LEF1: variants seen among roughly 807,000 people sequenced by gnomAD.
LEF1 encodes the protein lymphoid enhancer binding factor 1, also known as lymphoid enhancer-binding factor 1.
LEF1 carries 14 observed loss-of-function variants against 51.2 expected under a neutral mutation model. That is an observed-to-expected ratio of 0.27 (90% CI 0.18 to 0.43). LEF1 has a LOEUF of 0.43. Among genes scored for constraint, LEF1 ranks in the 20% least tolerant of loss-of-function variants. The pLI is 1.00. For synonymous variants in LEF1, 185 were observed against 183.2 expected, an observed-to-expected ratio of 1.01 and a Z score of -0.08; for missense variants, 386 against 512.0, an observed-to-expected ratio of 0.75 and a Z score of 2.37.
intron 3 of LEF1, among the ~76,000 whole-genome samples, chr4:108,118,882 G>C (rs187697226): frequency 6.6e-6 from 1 of 151,398 alleles, no homozygotes; most frequent in Non-Finnish European, 1.5e-5. Context: ...TTGTTGTTAC[G>C]GTCTAATCTA....
intron 3 of LEF1, among the ~76,000 whole-genome samples, chr4:108,119,993 A>ATGTGTG (rs34987010): frequency 2.7e-5 from 4 of 149,596 alleles, no homozygotes; most frequent in African/African-American, 7.4e-5. Flanking sequence ...TATTTTATAT[A>ATGTGTG]TGTGTGTGTG....
chr4:108,099,570 G>GTGTGTGTATATA (rs1266681210), intron 3 of LEF1, among the ~76,000 whole-genome samples: 1 of 70,202 alleles, frequency 1.4e-5, no homozygotes, highest in South Asian at 6.0e-4. Context: ...GTGTGTGTGT[G>GTGTGTGTATATA]TATATATATA....
chr4:108,087,745 C>T (rs187070361), intron 4 of LEF1, among the ~76,000 whole-genome samples: 106 of 152,274 alleles, frequency 7.0e-4, no homozygotes, highest in African/African-American at 2.5e-3. Flanking sequence ...ACCTCCTGCT[C>T]GGATGCTGGT....
intron 3 of LEF1, among the ~76,000 whole-genome samples, chr4:108,138,688 T>G (rs546948446): frequency 1.3e-4 from 20 of 152,394 alleles, no homozygotes; most frequent in Admixed American, 7.8e-4. Context: ...CTGGAGATTA[T>G]GGGGGCTAGC....
chr4:108,118,408 T>G (rs1741967704), intron 3 of LEF1, among the ~76,000 whole-genome samples: 1 of 152,204 alleles, frequency 6.6e-6, no homozygotes, highest in African/African-American at 2.4e-5. Context: ...TGATTTTGAG[T>G]GCGAAACTTA....
chr4:108,087,422 T>A (rs1487401674), intron 4 of LEF1, among the ~76,000 whole-genome samples: 2 of 151,864 alleles, frequency 1.3e-5, no homozygotes, highest in Non-Finnish European at 2.9e-5. Flanking sequence ...TTTTGGAGAG[T>A]TTTTTTTTAA....
intron 8 of LEF1, among the ~76,000 whole-genome samples, chr4:108,073,637 A>C (rs1327624692): frequency 6.6e-6 from 1 of 152,158 alleles, no homozygotes; most frequent in African/African-American, 2.4e-5. Context: ...ATAAATACAA[A>C]TTAACTCCCA....
At chr4:108,072,998 T>G (rs1738591221) in intron 8 of LEF1, 2 of 151,958 alleles carry the variant, frequency 1.3e-5, no homozygotes, top group South Asian at 4.2e-4. Context: ...AGCCTCGAAC[T>G]CCTGGGCTCC....
In LEF1 at chr4:108,163,721, A is replaced by T. The variant is rs754763575; in HGVS notation, c.281-20T>A. The T allele has an allele frequency of 1.2e-6, 2 of 1,611,350 alleles. No homozygotes were observed. The highest frequency in any genetic ancestry group is 4.5e-5 in the East Asian group (2 of 44,828). ...GCTTTCCTGGGAAGATCCAAAGAAC[A>T]ATCAATGATGCACTGACTTCCCTTT... On this transcript the variant is annotated intron_variant, in intron 2 of 11. Transcript: ENST00000265165.
At chr4:108,108,224 T>C (rs1415495574) in intron 3 of LEF1, among the ~76,000 whole-genome samples, 1 of 152,210 alleles carries the variant, frequency 6.6e-6, no homozygotes, top group Non-Finnish European at 1.5e-5. Context: ...TTGCTCAGAC[T>C]TTCCACATCA....
intron 9 of LEF1, among the ~76,000 whole-genome samples, chr4:108,067,810 G>A (rs1244507117): frequency 1.3e-5 from 2 of 151,970 alleles, no homozygotes; most frequent in African/African-American, 4.8e-5. Context: ...GATCACAGGC[G>A]TGAGCCACCA....
chr4:108,098,093 G>T (rs1740510025), intron 3 of LEF1, among the ~76,000 whole-genome samples: 1 of 152,100 alleles, frequency 6.6e-6, no homozygotes, highest in Non-Finnish European at 1.5e-5. Context: ...ATCCTGAATA[G>T]GCTCAACAAG....
intron 9 of LEF1, among the ~76,000 whole-genome samples, chr4:108,066,578 T>G (rs997234260): frequency 2.4e-4 from 37 of 152,200 alleles, no homozygotes; most frequent in Non-Finnish European, 1.5e-5. Context: ...AGTGACCAAC[T>G]GAGCCTGCAC....
In LEF1 at chr4:108,123,630, C is replaced by T. The variant is rs114438028; in HGVS notation, c.415-34373G>A. On this transcript the variant is annotated intron_variant, in intron 3 of 11. Transcript: ENST00000265165. Reference sequence around the variant, plus strand: ...CAAAATGTATATTTTGGGGAAAAAACTTTACAGATTGGATATGTGTATGCA... The same window carrying T: ...CAAAATGTATATTTTGGGGAAAAAATTTTACAGATTGGATATGTGTATGCA... Among the ~76,000 whole-genome samples the T allele has an allele frequency of 4.4e-3, 662 of 151,962 alleles. 3 individuals carry two copies. Among genetic ancestry groups the T allele is most frequent in the African/African-American group, 0.015 (624 of 41,422 alleles).
At chr4:108,083,551 CAA>C (rs1191381993) in intron 4 of LEF1, 105 bp from the exon 5 acceptor site, 7 of 668,288 alleles carry the variant, frequency 1.0e-5, no homozygotes, top group African/African-American at 5.6e-5. Context: ...CAGAATGAAA[CAA>C]TATTTATTCA....
intron 11 of LEF1, among the ~76,000 whole-genome samples, chr4:108,061,607 C>A (rs1447023660): frequency 6.6e-6 from 1 of 150,724 alleles, no homozygotes; most frequent in Non-Finnish European, 1.5e-5. Context: ...TTTGGCCATT[C>A]CTAAGTGTTC....
chr4:108,056,688 A>G (rs1737322788), intron 11 of LEF1, among the ~76,000 whole-genome samples: 1 of 152,164 alleles, frequency 6.6e-6, no homozygotes. Context: ...ACAAGCATAA[A>G]AAGAAGGAAG....
At position 108,089,261 on chromosome 4, in the gene LEF1, C is replaced by T; in HGVS notation, c.415-4G>A. On this transcript the variant is annotated splice_region_variant and splice_polypyrimidine_tract_variant and intron_variant, in intron 3 of 11. Coordinates refer to ENST00000265165, the MANE Select transcript of LEF1 (RefSeq NM_016269.5). ...GCACCACGGGCACTTTATTTGACTG[C>T]AAAGTAACCACAAGGTCAATAGTTA... 6.2e-7 allele frequency: 1 copy of T among 1,612,924 alleles called. No individual in the cohort carries two copies. Among genetic ancestry groups the T allele is most frequent in the Non-Finnish European group, 8.5e-7 (1 of 1,179,516 alleles).
At chr4:108,067,139 T>C (rs1738131535) in intron 9 of LEF1, among the ~76,000 whole-genome samples, 1 of 152,234 alleles carries the variant, frequency 6.6e-6, no homozygotes, top group African/African-American at 2.4e-5. Context: ...CTTATTTTGA[T>C]TATGATGAAA....
Sources: allele counts gnomAD v4.1 joint callset (sites outside exome capture counted in the v4.1 genomes callset), GRCh38; gene constraint gnomAD v4.1.1; transcripts MANE v1.5; gene names NCBI Gene and HGNC (gene_info 2026-07-23, HGNC 2026-07-21).